GMDS: variants seen among roughly 807,000 people sequenced by gnomAD.
GMDS encodes the protein GDP-mannose 4,6-dehydratase, also known as GDP-mannose 4,6 dehydratase.
A neutral mutation model predicts 49.9 loss-of-function variants in GMDS; 20 were observed. The observed-to-expected ratio is 0.40, with a 90% CI of 0.28 to 0.58. The LOEUF (loss-of-function observed/expected upper bound fraction) is 0.58, where lower values mean the gene tolerates loss of function less well. Among genes scored for constraint, GMDS ranks in the 20% least tolerant of loss-of-function variants. GMDS has a pLI of 0.42. For missense variants in GMDS, 362 were observed against 481.4 expected (o/e 0.75, Z 2.32); for synonymous variants, 177 against 178.6 (o/e 0.99, Z 0.07).
At chr6:2,180,273 C>A (rs1388591374) in intron 1 of GMDS, among the ~76,000 whole-genome samples, 1 of 152,194 alleles carries the variant, frequency 6.6e-6, no homozygotes, top group Non-Finnish European at 1.5e-5. Context: ...TTACAGAGCA[C>A]AAACCAAACA....
chr6:2,037,775 G>C (rs1769390397), intron 4 of GMDS, among the ~76,000 whole-genome samples: 1 of 152,082 alleles, frequency 6.6e-6, no homozygotes, highest in Non-Finnish European at 1.5e-5. Context: ...ACTTTCCTTA[G>C]CACTAAGGTC....
Position 1,953,870 on chromosome 6 carries a change from T to C in GMDS, c.643+5997A>G, listed in dbSNP as rs17525061. On this transcript the variant is annotated intron_variant, in intron 6 of 10. Transcript: ENST00000380815. ...TATTTTCCCCATAGTTCACAACTTA[T>C]ATAATAATTAATATCTTTATGACAA... Among the ~76,000 whole-genome samples, 256 of 152,298 alleles carry C rather than the reference T, an allele frequency of 1.7e-3. 1 individual carries two copies. In the East Asian group the frequency reaches 0.025, roughly 15 times the overall value.
intron 7 of GMDS, among the ~76,000 whole-genome samples, chr6:1,785,631 ACGAC>A (rs1228713637): frequency 6.6e-6 from 1 of 152,196 alleles, no homozygotes; most frequent in Non-Finnish European, 1.5e-5. Flanking sequence ...GTTGCCTGCC[ACGAC>A]CTGCCTCAGC....
chr6:1,737,239 G>A (rs1014012409), intron 8 of GMDS, among the ~76,000 whole-genome samples: 33 of 152,012 alleles, frequency 2.2e-4, no homozygotes, highest in African/African-American at 6.5e-4. Flanking sequence ...CTCCCACAAC[G>A]ACAACAAGCA....
intron 4 of GMDS, among the ~76,000 whole-genome samples, chr6:2,100,672 G>A (rs544882495): frequency 1.3e-5 from 2 of 151,832 alleles, no homozygotes; most frequent in Non-Finnish European, 2.9e-5. Context: ...TATCACTGAC[G>A]AGTCAAGATA....
chr6:2,182,203 G>A (rs1778579265), intron 1 of GMDS, among the ~76,000 whole-genome samples: 1 of 152,230 alleles, frequency 6.6e-6, no homozygotes, highest in Non-Finnish European at 1.5e-5. Context: ...TTATATGATG[G>A]TTGAGAGAGG....
chr6:1,702,281 G>C lies in GMDS; in HGVS notation c.987+24135C>G, dbSNP rs74872526. On this transcript the variant is annotated intron_variant, in intron 9 of 10. Transcript: ENST00000380815. ...TAGAGTGGCAGGAATGCCTGGTATG[G>C]CTCCTTGGTTTGAGTCAGGGCAGAG... 6.4e-3 allele frequency among the ~76,000 whole-genome samples: 979 copies of C among 152,330 alleles called. 10 individuals carry two copies. Among genetic ancestry groups the C allele is most frequent in the African/African-American group, 0.022 (899 of 41,570 alleles).
intron 1 of GMDS, among the ~76,000 whole-genome samples, chr6:2,183,976 CACA>C (rs1362347837): frequency 5.3e-5 from 8 of 152,138 alleles, no homozygotes; most frequent in Admixed American, 5.2e-4. Context: ...AACATATATG[CACA>C]ACATAACTTA....
chr6:1,779,013 T>A (rs1460990181), intron 7 of GMDS, among the ~76,000 whole-genome samples: 2 of 152,068 alleles, frequency 1.3e-5, no homozygotes, highest in Non-Finnish European at 2.9e-5. Context: ...CCTGGACCAG[T>A]CCTGGCTGGG....
chr6:2,023,767 T>A (rs1232000668), intron 4 of GMDS, among the ~76,000 whole-genome samples: 2 of 151,950 alleles, frequency 1.3e-5, no homozygotes. Context: ...AAGACAGAGA[T>A]GAGAACATCA....
rs1390667312 is a variant in GMDS, at chr6:1,833,594, A to C, written c.772-91008T>G. 6.6e-6 allele frequency among the ~76,000 whole-genome samples: 1 copy of C among 152,044 alleles called. No individual in the cohort carries two copies. Among genetic ancestry groups the C allele is most frequent in the Non-Finnish European group, 1.5e-5 (1 of 68,008 alleles). The stretch of plus-strand genomic sequence containing the variant: ...GTAATTAAATTGTAAATTACTTGAG[A>C]GAGAAATGTTTAGACTCATGACAAG... On this transcript the variant is annotated intron_variant, in intron 7 of 10. Transcript: ENST00000380815. The surrounding 1 kb of genome is among the most constrained non-coding windows in gnomAD (Gnocchi z 4.4).
intron 4 of GMDS, among the ~76,000 whole-genome samples, chr6:2,025,581 T>C (rs1306937246): frequency 6.6e-6 from 1 of 152,088 alleles, no homozygotes; most frequent in Non-Finnish European, 1.5e-5. Context: ...TCACTTAACA[T>C]TATACAGCTA....
chr6:2,081,770 G>A (rs759638333), intron 4 of GMDS, among the ~76,000 whole-genome samples: 16 of 152,084 alleles, frequency 1.1e-4, no homozygotes, highest in South Asian at 4.1e-4. Flanking sequence ...AAAATTCAGC[G>A]TAGGTGAATG....
intron 7 of GMDS, among the ~76,000 whole-genome samples, chr6:1,872,201 G>T (rs542313279): frequency 6.6e-6 from 1 of 152,244 alleles, no homozygotes; most frequent in African/African-American, 2.4e-5. Flanking sequence ...AGTGCTGAGC[G>T]TAGCTGGGCC....
chr6:2,173,213 G>C (rs1435278155), intron 1 of GMDS, among the ~76,000 whole-genome samples: 1 of 152,120 alleles, frequency 6.6e-6, no homozygotes, highest in African/African-American at 2.4e-5. Flanking sequence ...TGAGTCTTAA[G>C]CCTTTCATTA....
At chr6:1,798,181 C>G (rs1439697581) in intron 7 of GMDS, among the ~76,000 whole-genome samples, 1 of 151,766 alleles carries the variant, frequency 6.6e-6, no homozygotes, top group African/African-American at 2.4e-5. Flanking sequence ...TGTGACTGCA[C>G]TCTGAAGAAC....
intron 9 of GMDS, among the ~76,000 whole-genome samples, chr6:1,709,120 T>TTA: frequency 6.6e-6 from 1 of 152,236 alleles, no homozygotes; most frequent in East Asian, 1.9e-4. Context: ...GACTGCTGGT[T>TTA]TATAGATTCA....
chr6:1,890,287 T>A (rs911002520), intron 7 of GMDS, among the ~76,000 whole-genome samples: 1 of 152,236 alleles, frequency 6.6e-6, no homozygotes, highest in Admixed American at 6.5e-5. Flanking sequence ...AAGTGGTATT[T>A]CCCTGTGGTT....
Position 1,652,517 on chromosome 6 carries a change from TA to T in GMDS, c.988-27978del, listed in dbSNP as rs1288007832. ...TATTATTTATATAATATATTATATA[TA>T]TTTATATATAATATATATTATTTAT... is the stretch of plus-strand genomic sequence containing the variant. On this transcript the variant is annotated intron_variant, in intron 9 of 10. Coordinates refer to ENST00000380815, the MANE Select transcript of GMDS (RefSeq NM_001500.4). Among the ~76,000 whole-genome samples the T allele has an allele frequency of 3.2e-4, 3 of 9,456 alleles. 1 individual carries two copies. Among genetic ancestry groups the T allele is most frequent in the Non-Finnish European group, 5.2e-4 (3 of 5,758 alleles). The allele number at this position is 9,456 out of a possible 152,430, so 6.2% of individuals were successfully genotyped here.
Sources: allele counts gnomAD v4.1 joint callset (sites outside exome capture counted in the v4.1 genomes callset), GRCh38; gene constraint gnomAD v4.1.1; non-coding constraint Gnocchi (gnomAD v3.1); transcripts MANE v1.5; gene names NCBI Gene and HGNC (gene_info 2026-07-23, HGNC 2026-07-21).